Variants in CTIF observed in about 807,000 individuals in gnomAD.
CTIF encodes CBP80/20-dependent translation initiation factor.
Under a neutral mutation model 66.0 loss-of-function variants are expected in CTIF, and 21 were observed. The ratio of observed to expected loss-of-function variants is 0.32; its 90% confidence interval spans 0.23 to 0.46. The LOEUF is 0.46. Ranked by LOEUF, CTIF falls within the 20% of genes least tolerant of loss-of-function variation. The pLI is 1.00. For missense variants in CTIF, 739 were observed against 812.7 expected (o/e 0.91, Z 1.10); for synonymous variants, 345 against 326.4 (o/e 1.06, Z -0.62).
intron 6 of CTIF, among the ~76,000 whole-genome samples, chr18:48,671,919 G>A (rs1407157250): frequency 1.1e-5 from 1 of 89,282 alleles, no homozygotes; most frequent in African/African-American, 4.1e-5. Flanking sequence ...ATCCCATTCA[G>A]TATATTTTTC....
At position 48,757,930 on chromosome 18, in the gene CTIF, G is replaced by A; in HGVS notation, c.596G>A (p.Arg199Lys). ...TCTTCCGTTTGCAGGCGGCAGCAGA[G>A]ACCTCCGGGGGGCAACAAGCCCCAA... ...RRRNDRRRQQ[R>K]PPGGNKPQQH... Residue 199 changes from arginine to lysine, a missense_variant, in exon 8 of 12, where the codon AGA (arginine) becomes AAA (lysine). Arg to Lys is a conservative substitution (Grantham distance 26). Around this residue, in one of 2 missense-constraint regions of CTIF, gnomAD observed 529 missense variants for 520.3 expected, o/e 1.02. Coordinates refer to ENST00000256413, the MANE Select transcript of CTIF (RefSeq NM_014772.3). 3 of 1,610,760 alleles carry A rather than the reference G, an allele frequency of 1.9e-6. No individual in the cohort carries two copies. The highest frequency in any genetic ancestry group is 1.1e-5 in the South Asian group (1 of 91,030).
At chr18:48,648,171 G>A (rs570753870) in intron 3 of CTIF, among the ~76,000 whole-genome samples, 2 of 152,290 alleles carry the variant, frequency 1.3e-5, no homozygotes, top group Admixed American at 6.5e-5. Flanking sequence ...TGGGCAGAGG[G>A]TTGGCCTAGG....
chr18:48,590,215 G>T (rs552109062), intron 1 of CTIF, among the ~76,000 whole-genome samples: 18 of 152,360 alleles, frequency 1.2e-4, no homozygotes, highest in African/African-American at 4.1e-4. Context: ...ATTTAGTCTG[G>T]AATCCAGCCT....
chr18:48,859,851 C>T lies in CTIF; in HGVS notation c.*292C>T, dbSNP rs2069421487. The stretch of plus-strand genomic sequence containing the variant: ...CTTCCTCACTCCCGCCTCTCCCCTC[C>T]CCATCAGACCCATCCCCCACGGAGC... On this transcript the variant is annotated 3_prime_UTR_variant, in exon 12 of 12. Coordinates refer to ENST00000256413, the MANE Select transcript of CTIF (RefSeq NM_014772.3). 1 of 592,338 alleles carries T rather than the reference C, an allele frequency of 1.7e-6. No individual in the cohort carries two copies. The highest frequency in any genetic ancestry group is 1.8e-5 in the African/African-American group (1 of 54,720). The allele number at this position is 592,338 out of a possible 1,614,324, so 36.7% of individuals were successfully genotyped here.
intron 9 of CTIF, among the ~76,000 whole-genome samples, chr18:48,806,070 C>T (rs9966807): frequency 9.2e-5 from 14 of 152,020 alleles, no homozygotes; most frequent in South Asian, 4.2e-4. Context: ...ATAGCAGAGT[C>T]GGAATGAGGA....
rs13381815 is a variant in CTIF at position 48,771,529 on chromosome 18, G to A, written c.1371+9840G>A. ...CATCACCCGTGTCCCTTGCCAGACC[G>A]TGTCCCCTTCCCTGCATGCCCTCAC... On this transcript the variant is annotated intron_variant, in intron 9 of 11. Coordinates refer to ENST00000256413, the MANE Select transcript of CTIF (RefSeq NM_014772.3). 3.6e-3 allele frequency among the ~76,000 whole-genome samples: 547 copies of A among 152,290 alleles called. 4 individuals carry two copies. Among genetic ancestry groups the A allele is most frequent in the African/African-American group, 0.012 (510 of 41,552 alleles).
chr18:48,596,766 G>A (rs929278667), intron 1 of CTIF, among the ~76,000 whole-genome samples: 6 of 152,220 alleles, frequency 3.9e-5, no homozygotes, highest in Middle Eastern at 3.4e-3. Flanking sequence ...GTGAGCCACC[G>A]CACATGTCTG....
At chr18:48,708,729 A>T (rs1000590337) in intron 6 of CTIF, among the ~76,000 whole-genome samples, 1 of 152,184 alleles carries the variant, frequency 6.6e-6, no homozygotes, top group African/African-American at 2.4e-5. Flanking sequence ...TTCCAGCCCC[A>T]GGCCAAAAAC....
intron 9 of CTIF, among the ~76,000 whole-genome samples, chr18:48,816,699 G>A (rs12327213): frequency 0.12 from 17,513 of 152,250 alleles, 1,071 homozygotes; most frequent in African/African-American, 0.16. Context: ...TAGGCCCCTC[G>A]AGGGACGGGC....
In CTIF at chr18:48,859,365, C is replaced by T. The variant is rs1275732334; in HGVS notation, c.1603C>T (p.Leu535=). 3.1e-6 allele frequency: 5 copies of T among 1,613,966 alleles called. No individual in the cohort carries two copies. The highest frequency in any genetic ancestry group is 4.2e-6 in the Non-Finnish European group (5 of 1,180,034). The change falls in exon 12 of 12, where the codon CTG becomes TTG. Residue 535 remains leucine (L), a synonymous_variant. Coordinates refer to ENST00000256413, the MANE Select transcript of CTIF (RefSeq NM_014772.3). ...GCAGCTGCAGAGTACAGGCCGGCTGCTGGAGGAACAGCTGCCTGAGATGAT... is the reference window on the plus strand; with the variant it reads ...GCAGCTGCAGAGTACAGGCCGGCTGTTGGAGGAACAGCTGCCTGAGATGAT... ...SMELQSTGRL[L]EEQLPEMMTE...
intron 9 of CTIF, among the ~76,000 whole-genome samples, chr18:48,781,380 T>A (rs1380550386): frequency 6.6e-6 from 1 of 151,760 alleles, no homozygotes; most frequent in Non-Finnish European, 1.5e-5. Context: ...GCAAAGAGGG[T>A]GCGGGGGATT....
At chr18:48,685,149 C>CAA (rs2091817430) in intron 6 of CTIF, among the ~76,000 whole-genome samples, 1 of 150,900 alleles carries the variant, frequency 6.6e-6, no homozygotes. Context: ...TTGAATAGTA[C>CAA]AAGCAGGCCA....
intron 1 of CTIF, among the ~76,000 whole-genome samples, chr18:48,544,017 C>T (rs745439105): frequency 6.6e-6 from 1 of 152,166 alleles, no homozygotes; most frequent in Non-Finnish European, 1.5e-5. Context: ...CTGTGGCTTT[C>T]TGGCCCTGAG....
At chr18:48,648,874 C>T (rs2091102480) in intron 3 of CTIF, among the ~76,000 whole-genome samples, 1 of 152,232 alleles carries the variant, frequency 6.6e-6, no homozygotes, top group South Asian at 2.1e-4. Context: ...GATCCCAGCA[C>T]TTTGGGAGGC....
intron 9 of CTIF, among the ~76,000 whole-genome samples, chr18:48,816,294 A>T (rs1367918506): frequency 6.6e-6 from 1 of 152,214 alleles, no homozygotes; most frequent in African/African-American, 2.4e-5. Flanking sequence ...AGCAAGACAT[A>T]TGGCCAAAAC....
intron 7 of CTIF, among the ~76,000 whole-genome samples, chr18:48,757,668 G>A (rs562666285): frequency 1.1e-4 from 16 of 152,266 alleles, no homozygotes; most frequent in African/African-American, 2.4e-4. Flanking sequence ...TCTAGTAAGC[G>A]AATAAAGTAC....
chr18:48,781,571 T>C (rs1379126117), intron 9 of CTIF, among the ~76,000 whole-genome samples: 1 of 152,172 alleles, frequency 6.6e-6, no homozygotes, highest in Non-Finnish European at 1.5e-5. Context: ...TCTGAGGCCA[T>C]ATCTAGCGAG....
chr18:48,545,288 C>A (rs1427589042), intron 1 of CTIF, among the ~76,000 whole-genome samples: 1 of 152,102 alleles, frequency 6.6e-6, no homozygotes, highest in African/African-American at 2.4e-5. Flanking sequence ...GCAGGTAAGG[C>A]ATAGAGGAAG....
chr18:48,843,781 G>A (rs921060223), intron 10 of CTIF, among the ~76,000 whole-genome samples: 2 of 152,302 alleles, frequency 1.3e-5, no homozygotes, highest in Middle Eastern at 6.8e-3. Flanking sequence ...CAAACGAGAT[G>A]TGCCATCACC....
Sources: gnomAD v4.1 joint callset for allele counts (sites outside exome capture counted in the v4.1 genomes callset) on GRCh38, gnomAD v4.1.1 for gene constraint, gnomAD v4.1.1 regional missense constraint, MANE v1.5 for transcripts, NCBI Gene and HGNC (gene_info 2026-07-23, HGNC 2026-07-21) for gene names.